Variants in GPHN observed in about 807,000 individuals in gnomAD.
GPHN encodes gephyrin.
GPHN carries 17 observed loss-of-function variants against 95.5 expected under a neutral mutation model. That is an observed-to-expected ratio of 0.18 (90% confidence interval 0.12 to 0.27). The LOEUF is 0.27. Ranked by LOEUF, GPHN falls within the 10% of genes least tolerant of loss-of-function variation. GPHN has a pLI of 1.00. For synonymous variants in GPHN, 320 were observed against 322.5 expected (o/e 0.99, Z 0.08); for missense variants, 660 against 978.1 (o/e 0.67, Z 4.34).
chr14:67,306,196 C>T, the GPHN span, among the ~76,000 whole-genome samples: 1 of 152,198 alleles, frequency 6.6e-6, no homozygotes, highest in African/African-American at 2.4e-5. Flanking sequence ...TCTCGAACTC[C>T]TGACCTCAGG....
At chr14:66,705,855 G>A (rs1039846142) in intron 2 of GPHN, among the ~76,000 whole-genome samples, 2 of 152,138 alleles carry the variant, frequency 1.3e-5, no homozygotes, top group Admixed American at 6.5e-5. Context: ...ATTCACATAG[G>A]AAGAGAGGAA....
chr14:67,256,225 T>C, the GPHN span, among the ~76,000 whole-genome samples: 1 of 152,162 alleles, frequency 6.6e-6, no homozygotes, highest in Non-Finnish European at 1.5e-5. Flanking sequence ...CTTCTGAATA[T>C]TTTGTTAATA....
chr14:67,688,800 T>C, the GPHN span, among the ~76,000 whole-genome samples: 1 of 152,180 alleles, frequency 6.6e-6, no homozygotes, highest in Non-Finnish European at 1.5e-5. Context: ...ATTTAATAGT[T>C]TGTATAAAGA....
At chr14:67,253,170 C>T in the GPHN span, among the ~76,000 whole-genome samples, 3 of 152,204 alleles carry the variant, frequency 2.0e-5, no homozygotes, top group Non-Finnish European at 2.9e-5. Flanking sequence ...GATTCCTTAT[C>T]TGCAGAATGG....
At chr14:67,692,911 G>C in the GPHN span, 2 of 1,427,332 alleles carry the variant, frequency 1.4e-6, no homozygotes, top group African/African-American at 2.8e-5. Flanking sequence ...TAATAGGAGG[G>C]AATTGAAAGG....
rs55945465 is a variant in GPHN, at chr14:66,889,972, A to G, written c.389+9939A>G. Among the ~76,000 whole-genome samples the G allele has an allele frequency of 8.7e-3, 1,326 of 152,300 alleles. 14 individuals are homozygous for G. The highest frequency in any genetic ancestry group is 0.015 in the Non-Finnish European group (1,025 of 68,012). On this transcript the variant is annotated intron_variant, in intron 5 of 22. Transcript: ENST00000478722. The stretch of plus-strand genomic sequence containing the variant: ...CAGAAATAAAAAGGACTAGAAGAGT[A>G]CAGCGTAACAATTACATGCCAACAA...
At chr14:67,225,389 G>A in the GPHN span, 30 of 582,626 alleles carry the variant, frequency 5.1e-5, no homozygotes, top group Non-Finnish European at 7.8e-5. Context: ...AACAATATAA[G>A]TGGAATGAAA....
the GPHN span, among the ~76,000 whole-genome samples, chr14:67,233,052 T>C: frequency 4.6e-5 from 7 of 152,296 alleles, no homozygotes; most frequent in African/African-American, 1.7e-4. Context: ...ATCTATTTTC[T>C]CCAAGAGCCC....
intron 6 of GPHN, 65 bp from the exon 7 acceptor site, chr14:66,922,601 G>T: frequency 1.6e-6 from 2 of 1,275,948 alleles, no homozygotes; most frequent in African/African-American, 1.5e-5. Flanking sequence ...CAGTTTGATT[G>T]CCACCATCTT....
downstream of GPHN, among the ~76,000 whole-genome samples, chr14:67,184,008 C>A (rs1006445815): frequency 1.3e-5 from 2 of 151,942 alleles, no homozygotes; most frequent in Non-Finnish European, 2.9e-5. Context: ...TCACACCTGG[C>A]TAATTTTTTT....
the GPHN span, among the ~76,000 whole-genome samples, chr14:67,478,094 TCTA>T: frequency 2.0e-5 from 3 of 152,202 alleles, no homozygotes; most frequent in Non-Finnish European, 2.9e-5. Flanking sequence ...ACAACTACCG[TCTA>T]CTATTACAGC....
chr14:66,727,318 G>A (rs1461790574), intron 2 of GPHN, among the ~76,000 whole-genome samples: 3 of 152,156 alleles, frequency 2.0e-5, no homozygotes, highest in Non-Finnish European at 4.4e-5. Flanking sequence ...CATGAAAATG[G>A]ACTAATGCAG....
chr14:66,522,863 G>A (rs2058538764), intron 1 of GPHN, among the ~76,000 whole-genome samples: 1 of 151,452 alleles, frequency 6.6e-6, no homozygotes, highest in African/African-American at 2.4e-5. Flanking sequence ...ATCTATGATA[G>A]CAAAGACTAG....
intron 4 of GPHN, among the ~76,000 whole-genome samples, chr14:66,859,992 A>C (rs1223692259): frequency 6.6e-6 from 1 of 152,186 alleles, no homozygotes; most frequent in Non-Finnish European, 1.5e-5. Context: ...TAGGCTCAAA[A>C]GGGTAAATCT....
chr14:67,666,518 C>T, the GPHN span, among the ~76,000 whole-genome samples: 1 of 152,178 alleles, frequency 6.6e-6, no homozygotes, highest in Admixed American at 6.5e-5. Context: ...AAAACAGAAA[C>T]CTTTGAAATC....
At chr14:67,573,339 C>T in the GPHN span, 13 of 1,613,552 alleles carry the variant, frequency 8.1e-6, no homozygotes, top group South Asian at 6.6e-5. This position sits in a 1 kb window ranked among gnomAD's most constrained non-coding sequence, Gnocchi z 4.8. Context: ...GTGGAAGAGG[C>T]GCTGGTTTGT....
the GPHN span, chr14:67,570,119 A>G: frequency 1.2e-6 from 1 of 831,120 alleles, no homozygotes; most frequent in Non-Finnish European, 2.0e-6. Context: ...GCACATGGTG[A>G]CCCTGCCCAG....
At chr14:66,758,124 A>G (rs943370143) in intron 2 of GPHN, among the ~76,000 whole-genome samples, 2 of 152,326 alleles carry the variant, frequency 1.3e-5, no homozygotes, top group East Asian at 3.9e-4. Context: ...TAGAAAACCA[A>G]TTAGGAAAGG....
chr14:66,735,149 C>T (rs2072141230), intron 2 of GPHN, among the ~76,000 whole-genome samples: 1 of 152,148 alleles, frequency 6.6e-6, no homozygotes. Context: ...AAACTGTGCA[C>T]CAGGGTACCC....
Sources: allele counts gnomAD v4.1 joint callset (sites outside exome capture counted in the v4.1 genomes callset), GRCh38; gene constraint gnomAD v4.1.1; non-coding constraint Gnocchi (gnomAD v3.1); transcripts MANE v1.5; gene names NCBI Gene and HGNC (gene_info 2026-07-23, HGNC 2026-07-21).